NUMB: variants seen among roughly 807,000 people sequenced by gnomAD.
NUMB encodes protein numb homolog.
Under a neutral mutation model 59.7 loss-of-function variants are expected in NUMB, and 29 were observed. That is an observed-to-expected ratio of 0.49 (90% confidence interval 0.36 to 0.66). The LOEUF (loss-of-function observed/expected upper bound fraction) is 0.66. Ranked by LOEUF, NUMB falls within the 30% of genes least tolerant of loss-of-function variation. The probability of loss-of-function intolerance (pLI) is 0.00; values close to 1 mark genes in which losing one functional copy is unlikely to be tolerated. For synonymous variants in NUMB, 288 were observed against 288.2 expected (o/e 1.00, Z 0.01); for missense variants, 723 against 822.0 (o/e 0.88, Z 1.47).
intron 4 of NUMB, among the ~76,000 whole-genome samples, chr14:73,332,042 A>G (rs1892009068): frequency 6.6e-6 from 1 of 151,952 alleles, no homozygotes; most frequent in African/African-American, 2.4e-5. Flanking sequence ...TAGGATTTCA[A>G]TTTTTTCTAG....
chr14:73,412,672 T>C (rs1896951086), intron 1 of NUMB, among the ~76,000 whole-genome samples: 1 of 151,678 alleles, frequency 6.6e-6, no homozygotes, highest in Non-Finnish European at 1.5e-5. Context: ...TCTTGCTCTG[T>C]TGCCTGGAGA....
In NUMB at chr14:73,276,572, G is replaced by A. The variant is rs746722095; in HGVS notation, c.*6C>T. ...TATGGACAAGATACATAGCCATAAT[G>A]ATTGCTTAAAGTTCAATTTCAAACG... On this transcript the variant is annotated 3_prime_UTR_variant, in exon 13 of 13. Transcript: ENST00000555238. 3.1e-6 allele frequency: 5 copies of A among 1,607,368 alleles called. No homozygotes were observed. Among genetic ancestry groups the A allele is most frequent in the Non-Finnish European group, 4.3e-6 (5 of 1,175,388 alleles).
intron 3 of NUMB, among the ~76,000 whole-genome samples, chr14:73,359,776 C>T (rs1465567245): frequency 1.3e-5 from 2 of 152,176 alleles, no homozygotes; most frequent in African/African-American, 4.8e-5. Flanking sequence ...AAAAACAGCT[C>T]TGCTTCCCTT....
At chr14:73,306,683 A>C (rs1028749128) in intron 6 of NUMB, among the ~76,000 whole-genome samples, 1 of 152,190 alleles carries the variant, frequency 6.6e-6, no homozygotes, top group Non-Finnish European at 1.5e-5. Context: ...TCCTCCTAGA[A>C]GCCTTCATTA....
intron 2 of NUMB, among the ~76,000 whole-genome samples, chr14:73,371,379 C>T (rs1244501809): frequency 6.6e-6 from 1 of 151,564 alleles, no homozygotes; most frequent in African/African-American, 2.4e-5. Context: ...TACTAAAATA[C>T]AAAAAATTAG....
chr14:73,389,016 G>A (rs967127695), intron 2 of NUMB, among the ~76,000 whole-genome samples: 2 of 151,402 alleles, frequency 1.3e-5, no homozygotes, highest in East Asian at 1.9e-4. Flanking sequence ...GAAGAATGGC[G>A]TGAGCCCGGG....
chr14:73,448,441 C>T (rs1214408339), intron 1 of NUMB, among the ~76,000 whole-genome samples: 2 of 151,402 alleles, frequency 1.3e-5, no homozygotes, highest in African/African-American at 2.4e-5. Flanking sequence ...ATTCTCCCTC[C>T]TTGGCTCCCA....
At chr14:73,349,413 C>T (rs945888570) in intron 4 of NUMB, among the ~76,000 whole-genome samples, 1 of 152,022 alleles carries the variant, frequency 6.6e-6, no homozygotes, top group Non-Finnish European at 1.5e-5. Flanking sequence ...CATGGTGAAA[C>T]CCCATCTCTA....
At chr14:73,448,037 T>G (rs1442411541) in intron 1 of NUMB, among the ~76,000 whole-genome samples, 3 of 152,142 alleles carry the variant, frequency 2.0e-5, no homozygotes, top group African/African-American at 7.2e-5. Context: ...GCTCAAGTGA[T>G]TCGCCTGCCT....
chr14:73,287,311 C>A lies in NUMB; in HGVS notation c.454G>T (p.Glu152Ter). The A allele has an allele frequency of 6.2e-7, 1 of 1,610,428 alleles. No individual in the cohort carries two copies. Among genetic ancestry groups the A allele is most frequent in the Non-Finnish European group, 8.5e-7 (1 of 1,177,424 alleles). The change falls in exon 9 of 13, where the codon GAA becomes TAA. Residue 152 changes from glutamate (E) to a stop codon, truncating the protein, a stop_gained. Transcript: ENST00000555238. LOFTEE classifies it high-confidence loss of function. ...HCFMAVKDTG[E>*]RLSHAVGCAF... ...CAGCCTACTGCATGGCTCAACCTTT[C>A]ACCCTGTAAGAGCAGATTTTAAAAG...
At chr14:73,427,637 G>A (rs779005158) in intron 1 of NUMB, among the ~76,000 whole-genome samples, 5 of 152,096 alleles carry the variant, frequency 3.3e-5, no homozygotes, top group Non-Finnish European at 5.9e-5. Context: ...GAAAACACAA[G>A]ACGGACAGTG....
intron 4 of NUMB, among the ~76,000 whole-genome samples, chr14:73,328,221 G>C (rs1005967494): frequency 6.7e-6 from 1 of 150,288 alleles, no homozygotes; most frequent in Admixed American, 6.7e-5. Context: ...GTTGCGGTGA[G>C]CCAAGGTGGC....
At chr14:73,319,237 T>C (rs1350259828) in intron 5 of NUMB, among the ~76,000 whole-genome samples, 1 of 152,186 alleles carries the variant, frequency 6.6e-6, no homozygotes, top group African/African-American at 2.4e-5. Context: ...CACTCCAGCC[T>C]GGGTGACAGA....
At chr14:73,334,884 G>A (rs1892207637) in intron 4 of NUMB, among the ~76,000 whole-genome samples, 1 of 149,624 alleles carries the variant, frequency 6.7e-6, no homozygotes, top group African/African-American at 2.5e-5. Context: ...GGGAGGCGGA[G>A]GTTGCAGTAA....
chr14:73,457,631 C>G (rs985981751), intron 1 of NUMB: 7 of 152,250 alleles, frequency 4.6e-5, no homozygotes. Context: ...CTCCTCACCC[C>G]GGTCTCAAAC....
intron 4 of NUMB, among the ~76,000 whole-genome samples, chr14:73,349,376 T>C (rs1384855000): frequency 6.7e-6 from 1 of 149,916 alleles, no homozygotes; most frequent in East Asian, 2.0e-4. Flanking sequence ...TCATCTGAGG[T>C]CAGGAGTTCA....
intron 2 of NUMB, among the ~76,000 whole-genome samples, chr14:73,397,393 G>T (rs773604065): frequency 9.2e-5 from 14 of 152,116 alleles, no homozygotes; most frequent in Non-Finnish European, 1.9e-4. Context: ...GCCTGGGGAG[G>T]AATTCAGCGG....
intron 6 of NUMB, among the ~76,000 whole-genome samples, chr14:73,300,462 A>G (rs182268582): frequency 6.6e-6 from 1 of 152,276 alleles, no homozygotes; most frequent in Non-Finnish European, 1.5e-5. Flanking sequence ...AGGCAGAGTA[A>G]AATATTAAAG....
At chr14:73,384,091 AAAG>A (rs538470753) in intron 2 of NUMB, among the ~76,000 whole-genome samples, 250 of 152,260 alleles carry the variant, frequency 1.6e-3, no homozygotes, top group Non-Finnish European at 3.1e-3. Context: ...TGCTGAAAGA[AAAG>A]AACTGCCAAC....
Sources: gnomAD v4.1 joint callset for allele counts (sites outside exome capture counted in the v4.1 genomes callset) on GRCh38, gnomAD v4.1.1 for gene constraint, MANE v1.5 for transcripts, NCBI Gene and HGNC (gene_info 2026-07-23, HGNC 2026-07-21) for gene names.